The following TMEM132C variants were observed in gnomAD, a reference collection of about 807,000 sequenced individuals.
TMEM132C encodes the protein transmembrane protein 132C, also known as protein phosphatase 1, regulatory subunit 152.
TMEM132C carries 29 observed loss-of-function variants against 61.4 expected under a neutral mutation model. That is an observed-to-expected ratio of 0.47 (90% CI 0.35 to 0.64). The LOEUF is 0.64. TMEM132C is among the 30% of genes least tolerant of loss of function. The pLI, the probability that TMEM132C is intolerant of heterozygous loss-of-function variation, is 0.00. For synonymous variants in TMEM132C, 656 were observed against 633.1 expected, an observed-to-expected ratio of 1.04 and a Z score of -0.54; for missense variants, 1,408 against 1,476.9, an observed-to-expected ratio of 0.95 and a Z score of 0.76.
intron 2 of TMEM132C, among the ~76,000 whole-genome samples, chr12:128,423,937 T>G (rs2136029633): frequency 6.7e-6 from 1 of 150,010 alleles, no homozygotes; most frequent in Admixed American, 6.7e-5. Flanking sequence ...TCCCAGCTAC[T>G]TGGGGGTGCT....
intron 1 of TMEM132C, among the ~76,000 whole-genome samples, chr12:128,363,521 C>A (rs1565913247): frequency 6.6e-6 from 1 of 152,132 alleles, no homozygotes; most frequent in Admixed American, 6.5e-5. Flanking sequence ...GTGTCAGCCA[C>A]TCTGCCCTGC....
chr12:128,295,724 C>T (rs1043519097), intron 1 of TMEM132C, among the ~76,000 whole-genome samples: 1 of 151,204 alleles, frequency 6.6e-6, no homozygotes, highest in Non-Finnish European at 1.5e-5. Flanking sequence ...AAATTCTGCT[C>T]AGTGATCAGA....
intron 1 of TMEM132C, among the ~76,000 whole-genome samples, chr12:128,364,042 A>T (rs1873786447): frequency 6.6e-6 from 1 of 152,028 alleles, no homozygotes; most frequent in Admixed American, 6.6e-5. Context: ...CTTGAAGGGA[A>T]AGCAGGAGCT....
At chr12:128,447,178 C>G (rs1326013972) in intron 2 of TMEM132C, among the ~76,000 whole-genome samples, 3 of 152,152 alleles carry the variant, frequency 2.0e-5, no homozygotes, top group African/African-American at 7.2e-5. Flanking sequence ...TCGCCCCTGT[C>G]CCTCCTGCGC....
At chr12:128,504,928 A>C (rs1872307025) in intron 2 of TMEM132C, among the ~76,000 whole-genome samples, 1 of 150,990 alleles carries the variant, frequency 6.6e-6, no homozygotes, top group Admixed American at 6.6e-5. Context: ...CTAGTATGAT[A>C]GAAAAAAAAG....
chr12:128,512,053 C>G (rs746263767), intron 2 of TMEM132C, among the ~76,000 whole-genome samples: 2 of 152,150 alleles, frequency 1.3e-5, no homozygotes, highest in African/African-American at 4.8e-5. Context: ...CCGCCCCTGT[C>G]GGCCACAGGC....
At chr12:128,619,257 T>C (rs1953934994) in intron 4 of TMEM132C, among the ~76,000 whole-genome samples, 1 of 152,150 alleles carries the variant, frequency 6.6e-6, no homozygotes, top group African/African-American at 2.4e-5. Context: ...GATTAACAGA[T>C]GGAAAATCTG....
At chr12:128,580,200 T>A (rs887468790) in intron 3 of TMEM132C, among the ~76,000 whole-genome samples, 11 of 152,056 alleles carry the variant, frequency 7.2e-5, no homozygotes, top group African/African-American at 2.7e-4. Flanking sequence ...GAAAATAGCC[T>A]GGCAGATAGA....
intron 2 of TMEM132C, among the ~76,000 whole-genome samples, chr12:128,482,369 G>T (rs146024089): frequency 6.6e-6 from 1 of 152,116 alleles, no homozygotes; most frequent in African/African-American, 2.4e-5. Flanking sequence ...AACTGGATTC[G>T]GTTTGCCAGT....
At chr12:128,388,089 A>G (rs1413203439) in intron 1 of TMEM132C, among the ~76,000 whole-genome samples, 2 of 152,176 alleles carry the variant, frequency 1.3e-5, no homozygotes, top group African/African-American at 4.8e-5. Flanking sequence ...GGATCCCTCC[A>G]CTTCCAAGAG....
intron 2 of TMEM132C, among the ~76,000 whole-genome samples, chr12:128,461,221 T>A (rs557039877): frequency 6.6e-6 from 1 of 152,150 alleles, no homozygotes; most frequent in South Asian, 2.1e-4. Flanking sequence ...ATCTACATGT[T>A]CTGATTCTCT....
intron 2 of TMEM132C, among the ~76,000 whole-genome samples, chr12:128,416,815 G>T (rs1764047124): frequency 6.6e-6 from 1 of 152,128 alleles, no homozygotes; most frequent in Non-Finnish European, 1.5e-5. Flanking sequence ...TAATTTTGCA[G>T]ATCTTCATTT....
intron 4 of TMEM132C, among the ~76,000 whole-genome samples, chr12:128,629,053 A>G (rs1446434022): frequency 6.6e-6 from 1 of 152,226 alleles, no homozygotes; most frequent in Non-Finnish European, 1.5e-5. Flanking sequence ...TGGGGAATAC[A>G]TGTCTGTGTG....
intron 3 of TMEM132C, among the ~76,000 whole-genome samples, chr12:128,577,169 A>G (rs1056212703): frequency 6.6e-6 from 1 of 152,212 alleles, no homozygotes; most frequent in Non-Finnish European, 1.5e-5. Context: ...TGTACATGGA[A>G]TCATAAAATA....
chr12:128,676,569 C>G (rs981705153), intron 5 of TMEM132C, among the ~76,000 whole-genome samples: 8 of 152,216 alleles, frequency 5.3e-5, no homozygotes, highest in Admixed American at 5.2e-4. Context: ...ATTTCTTACA[C>G]ACATATACCC....
At chr12:128,594,908 G>A (rs1308799249) in intron 3 of TMEM132C, among the ~76,000 whole-genome samples, 1 of 152,206 alleles carries the variant, frequency 6.6e-6, no homozygotes, top group Non-Finnish European at 1.5e-5. Flanking sequence ...TGCTTCAGTA[G>A]AACAGCTACG....
intron 1 of TMEM132C, among the ~76,000 whole-genome samples, chr12:128,280,047 A>G (rs992210345): frequency 6.6e-6 from 1 of 152,218 alleles, no homozygotes; most frequent in Non-Finnish European, 1.5e-5. Flanking sequence ...TCTGTCCTTC[A>G]TTCTGAGCCA....
At chr12:128,615,108 C>A (rs1876755658) in intron 3 of TMEM132C, among the ~76,000 whole-genome samples, 1 of 152,174 alleles carries the variant, frequency 6.6e-6, no homozygotes, top group Non-Finnish European at 1.5e-5. Context: ...CAAACTGCTT[C>A]AATCCTGCAT....
intron 1 of TMEM132C, among the ~76,000 whole-genome samples, chr12:128,282,700 T>C (rs1265849431): frequency 6.6e-6 from 1 of 152,246 alleles, no homozygotes; most frequent in Non-Finnish European, 1.5e-5. Flanking sequence ...GGATTGCACA[T>C]TGCAGTTAGT....
Sources: allele counts gnomAD v4.1 joint callset (sites outside exome capture counted in the v4.1 genomes callset), GRCh38; gene constraint gnomAD v4.1.1; transcripts MANE v1.5; gene names NCBI Gene and HGNC (gene_info 2026-07-23, HGNC 2026-07-21).